KRT76: variants seen among roughly 807,000 people sequenced by gnomAD.
The protein encoded by KRT76 is keratin 76, also known as keratin, type II cytoskeletal 2 oral.
KRT76 carries 47 observed loss-of-function variants against 44.9 expected under a neutral mutation model. The observed-to-expected ratio is 1.05, with a 90% CI of 0.83 to 1.33. KRT76 has a LOEUF of 1.33. Ranked by LOEUF, KRT76 falls within the 40% of genes most tolerant of loss-of-function variation. The pLI is 0.00. For missense variants in KRT76, 860 were observed against 775.8 expected, an observed-to-expected ratio of 1.11 and a Z score of -1.29; for synonymous variants, 331 against 294.1, an observed-to-expected ratio of 1.13 and a Z score of -1.28.
intron 2 of KRT76, 71 bp from the exon 3 acceptor site, chr12:52,773,713 G>A: frequency 2.3e-6 from 3 of 1,316,502 alleles, no homozygotes; most frequent in East Asian, 2.3e-5. Context: ...AGGATTCCAG[G>A]CACTCTCCTC....
In KRT76 at chr12:52,776,891, A is replaced by G; in HGVS notation, c.401T>C (p.Phe134Ser). 1 of 1,612,174 alleles carries G rather than the reference A, an allele frequency of 6.2e-7. No individual in the cohort carries two copies. The highest frequency in any genetic ancestry group is 1.1e-5 in the South Asian group (1 of 91,004). ...GAGGFGGPGV[F>S]GGPGSFGGPG... ...ACCACCAAAGCTGCCAGGCCCACCA[A>G]ATACACCAGGACCACCAAAGCCACC... Residue 134 changes from phenylalanine (F) to serine (S), a missense_variant, in exon 1 of 9, where the codon TTT becomes TCT. Coordinates refer to ENST00000332411, the MANE Select transcript of KRT76 (RefSeq NM_015848.4).
chr12:52,772,074 G>A lies in KRT76; in HGVS notation c.1137+20C>T, dbSNP rs1939191852. 1 of 1,606,786 alleles carries A rather than the reference G, an allele frequency of 6.2e-7. No individual in the cohort carries two copies. The highest frequency in any genetic ancestry group is 8.5e-7 in the Non-Finnish European group (1 of 1,175,480). ...TCAATGAAGGTCATCAGGATCCAAG[G>A]ACACAGGGAGGGTTCCCACCTTGGT... On this transcript the variant is annotated intron_variant, in intron 5 of 8. Coordinates refer to ENST00000332411, the MANE Select transcript of KRT76 (RefSeq NM_015848.4).
At chr12:52,773,831 C>CTT (rs56913347) in intron 2 of KRT76, among the ~76,000 whole-genome samples, 189 bp from the exon 3 acceptor site, 3 of 139,172 alleles carry the variant, frequency 2.2e-5, no homozygotes, top group Non-Finnish European at 4.7e-5. Flanking sequence ...GACATTCTTT[C>CTT]TTTTTTTTTT....
In KRT76 at chr12:52,772,790, T is replaced by C. The variant is rs1349387896; in HGVS notation, c.965A>G (p.Tyr322Cys). 3 of 1,607,672 alleles carry C rather than the reference T, an allele frequency of 1.9e-6. No homozygotes were observed. Among genetic ancestry groups the C allele is most frequent in the East Asian group, 2.2e-5 (1 of 44,854 alleles). Residue 322 changes from tyrosine to cysteine, a missense_variant, in exon 4 of 9, where the codon TAT (tyrosine) becomes TGT (cysteine). By Grantham distance (194) the Tyr-to-Cys change is radical. Coordinates refer to ENST00000332411, the MANE Select transcript of KRT76 (RefSeq NM_015848.4). ...TGCAAACCAAGGAATCACCATCTCATAGAGGGTCCTCAGGAAGCTGACTTC... is the reference window on the plus strand; with the variant it reads ...TGCAAACCAAGGAATCACCATCTCACAGAGGGTCCTCAGGAAGCTGACTTC... Reference protein sequence around the residue: ...TDEVSFLRTLYEMELSQMQSH... With the variant: ...TDEVSFLRTLCEMELSQMQSH...
Position 52,768,511 on chromosome 12 carries a change from A to T in KRT76, c.*202T>A. 1 of 560,252 alleles carries T rather than the reference A, an allele frequency of 1.8e-6. No individual in the cohort carries two copies. The highest frequency in any genetic ancestry group is 3.1e-6 in the Non-Finnish European group (1 of 326,512). 34.7% of individuals were successfully genotyped at this position (560,252 alleles called of 1,614,324 possible). A position where few individuals can be genotyped will look rare whatever the true frequency, so the allele number is the denominator to read the frequency against. ...TTGCAGGAAGGTTTCCAGGGGCATC[A>T]TCATCCCAGACCAGCAGCAGGACCT... On this transcript the variant is annotated 3_prime_UTR_variant, in exon 9 of 9. Coordinates refer to ENST00000332411, the MANE Select transcript of KRT76 (RefSeq NM_015848.4).
chr12:52,772,181 C>T lies in KRT76; in HGVS notation c.1050G>A (p.Leu350=). ...LSMDNNRCLD[L]GSIIAEVRAQ... ...CGCGGACCTCGGCAATGATGCTGCC[C>T]AGGTCCAGGCAGCGGTTGTTGTCCA... Residue 350 remains leucine, a synonymous_variant, in exon 5 of 9, where the codon CTG becomes CTA. Transcript: ENST00000332411. 1 of 1,613,622 alleles carries T rather than the reference C, an allele frequency of 6.2e-7. No homozygotes were observed. The highest frequency in any genetic ancestry group is 8.5e-7 in the Non-Finnish European group (1 of 1,179,692).
chr12:52,771,212 T>G lies in KRT76; in HGVS notation c.1271A>C (p.Asn424Thr). The change falls in exon 7 of 9, where the codon AAC becomes ACC. Residue 424 changes from asparagine (N) to threonine (T), a missense_variant. Asn to Thr is a moderately conservative substitution (Grantham distance 65). Transcript: ENST00000332411. ...EIENVKKQNA[N>T]LQTAIAEAEQ... is the part of the protein sequence containing the mutation. ...AGCCTCTGCAATTGCCGTCTGCAGG[T>G]TGGCATTCTGAGGTAGAAAATCAAT... 1 of 1,614,142 alleles carries G rather than the reference T, an allele frequency of 6.2e-7. No homozygotes were observed. Among genetic ancestry groups the G allele is most frequent in the Non-Finnish European group, 8.5e-7 (1 of 1,180,026 alleles).
rs372830011 is a variant in KRT76, at chr12:52,777,188, C to A, written c.104G>T (p.Arg35Leu). ...SGSSRMSCVA[R>L]SGGAGGGACG... ...GGCCCCTCCACCAGCTCCCCCAGAG[C>A]GGGCCACACAGCTCATCCTGCTGCT... Residue 35 changes from arginine (R) to leucine (L), a missense_variant, in exon 1 of 9, where the codon CGC becomes CTC. Physicochemically the swap from Arg to Leu is moderately radical, Grantham distance 102. Coordinates refer to ENST00000332411, the MANE Select transcript of KRT76 (RefSeq NM_015848.4). The A allele has an allele frequency of 1.2e-6, 2 of 1,614,206 alleles. No individual in the cohort carries two copies. Among genetic ancestry groups the A allele is most frequent in the South Asian group, 2.2e-5 (2 of 91,086 alleles).
intron 7 of KRT76, among the ~76,000 whole-genome samples, chr12:52,770,426 G>A (rs1939161919): frequency 6.6e-6 from 1 of 152,148 alleles, no homozygotes; most frequent in Non-Finnish European, 1.5e-5. Flanking sequence ...GACTTTATCT[G>A]CTGCTTAATG....
At position 52,771,898 on chromosome 12, in the gene KRT76, C is replaced by A. The variant is rs1939187989; in HGVS notation, c.1236G>T (p.Arg412=). 6.2e-7 allele frequency: 1 copy of A among 1,614,064 alleles called. No homozygotes were observed. The highest frequency in any genetic ancestry group is 1.1e-5 in the South Asian group (1 of 91,046). ...MELNRMIQRL[R]AEIENVKKQN... is the part of the protein sequence containing the mutation. ...GCTTCTTGACATTTTCAATCTCAGC[C>A]CGTAGCCTCTGGATCATCCTGTTGA... The change falls in exon 6 of 9, where the codon CGG becomes CGT. Residue 412 remains arginine (R), a synonymous_variant. Coordinates refer to ENST00000332411, the MANE Select transcript of KRT76 (RefSeq NM_015848.4).
chr12:52,774,905 A>G (rs1010908650), intron 2 of KRT76, among the ~76,000 whole-genome samples: 5 of 152,192 alleles, frequency 3.3e-5, no homozygotes, highest in Admixed American at 2.0e-4. Flanking sequence ...GCTGCAGAAC[A>G]GGAGATTGGA....
In KRT76 at chr12:52,777,229, A is replaced by C; in HGVS notation, c.63T>G (p.Ser21=). 1.9e-6 allele frequency: 3 copies of C among 1,614,224 alleles called. No individual in the cohort carries two copies. Among genetic ancestry groups the C allele is most frequent in the Non-Finnish European group, 2.5e-6 (3 of 1,180,034 alleles). Residue 21 remains serine, a synonymous_variant, in exon 1 of 9, where the codon TCT becomes TCG. Coordinates refer to ENST00000332411, the MANE Select transcript of KRT76 (RefSeq NM_015848.4). ...SGRSQGFSGR[S]AVVSGSSRMS... ...TCCTGCTGCTGCCGGAGACCACAGC[A>C]GAGCGGCCAGAGAAACCCTGGCTCC...
Position 52,769,001 on chromosome 12 carries a change from G to T in KRT76, c.1629C>A (p.Ser543Arg), listed in dbSNP as rs765304859. 23 of 941,202 alleles carry T rather than the reference G, an allele frequency of 2.4e-5. No individual in the cohort carries two copies. The South Asian group carries it at 2.6e-4, about 11-fold the overall frequency. 58.3% of individuals were successfully genotyped at this position (941,202 alleles called of 1,614,324 possible). A position where few individuals can be genotyped will look rare whatever the true frequency, so the allele number is the denominator to read the frequency against. ...TGACTCCATAGCCACTGCTGCTGCTGCTGCTGCTGCCGCCTTTGTAGCCAC... is the reference window on the plus strand; with the variant it reads ...TGACTCCATAGCCACTGCTGCTGCTTCTGCTGCTGCCGCCTTTGTAGCCAC... ...GSGGYKGGSS[S>R]SSSSGYGVSG... Residue 543 changes from serine to arginine, a missense_variant, in exon 9 of 9, where the codon AGC becomes AGA. Coordinates refer to ENST00000332411, the MANE Select transcript of KRT76 (RefSeq NM_015848.4).
chr12:52,770,538 A>G (rs893571843), intron 7 of KRT76, among the ~76,000 whole-genome samples: 1 of 152,186 alleles, frequency 6.6e-6, no homozygotes, highest in Non-Finnish European at 1.5e-5. Context: ...GCTTTCCAGT[A>G]TGGTAGCCAG....
chr12:52,772,211 C>G lies in KRT76; in HGVS notation c.1020G>C (p.Leu340=), dbSNP rs561799546. The G allele has an allele frequency of 1.2e-6, 2 of 1,612,134 alleles. No individual in the cohort carries two copies. Among genetic ancestry groups the G allele is most frequent in the African/African-American group, 2.7e-5 (2 of 74,996 alleles). ...CCAGGCAGCGGTTGTTGTCCATGGA[C>G]AGAACCACAGACGTGTCACTGGCAT... The part of the protein sequence containing the change: ...QSHASDTSVV[L]SMDNNRCLDL... Residue 340 remains leucine (L), a synonymous_variant, in exon 5 of 9, where the codon CTG becomes CTC. Coordinates refer to ENST00000332411, the MANE Select transcript of KRT76 (RefSeq NM_015848.4).
chr12:52,769,641 G>C, intron 7 of KRT76, 58 bp from the exon 8 acceptor site: 1 of 1,517,584 alleles, frequency 6.6e-7, no homozygotes, highest in Non-Finnish European at 9.2e-7. Flanking sequence ...CCAAAGAGTT[G>C]AGAGTTCACA....
intron 2 of KRT76, among the ~76,000 whole-genome samples, chr12:52,773,864 C>A (rs1939223424): frequency 6.6e-6 from 1 of 150,894 alleles, no homozygotes; most frequent in African/African-American, 2.4e-5. Flanking sequence ...CAAGGTTTCA[C>A]CCTGTCACCT....
intron 2 of KRT76, 134 bp downstream of exon 2, chr12:52,775,254 G>T: frequency 1.3e-6 from 1 of 795,868 alleles, no homozygotes; most frequent in Non-Finnish European, 2.1e-6. Flanking sequence ...CTTCTGCTTT[G>T]TCATGTTTCA....
In KRT76 at chr12:52,769,011, C is replaced by T. The variant is rs766632561; in HGVS notation, c.1619G>A (p.Gly540Asp). 1 of 900,516 alleles carries T rather than the reference C, an allele frequency of 1.1e-6. No homozygotes were observed. Among genetic ancestry groups the T allele is most frequent in the South Asian group, 1.4e-5 (1 of 71,570 alleles). 55.8% of individuals were successfully genotyped at this position (900,516 alleles called of 1,614,324 possible). A position where few individuals can be genotyped will look rare whatever the true frequency, so the allele number is the denominator to read the frequency against. Residue 540 changes from glycine (G) to aspartate (D), a missense_variant, in exon 9 of 9, where the codon GGC becomes GAC. Physicochemically the swap from Gly to Asp is moderately conservative, Grantham distance 94. Coordinates refer to ENST00000332411, the MANE Select transcript of KRT76 (RefSeq NM_015848.4). The part of the protein sequence containing the change: ...SGSGSGGYKG[G>D]SSSSSSSGYG... Reference sequence around the variant, plus strand: ...GCCACTGCTGCTGCTGCTGCTGCTGCCGCCTTTGTAGCCACCACTGCCACT... The same window carrying T: ...GCCACTGCTGCTGCTGCTGCTGCTGTCGCCTTTGTAGCCACCACTGCCACT...
Sources: allele counts gnomAD v4.1 joint callset (sites outside exome capture counted in the v4.1 genomes callset), GRCh38; gene constraint gnomAD v4.1.1; transcripts MANE v1.5; gene names NCBI Gene and HGNC (gene_info 2026-07-23, HGNC 2026-07-21).